The following ELMO1 variants were observed in gnomAD, a reference collection of about 807,000 sequenced individuals.
The protein encoded by ELMO1 is engulfment and cell motility 1.
ELMO1 carries 26 observed loss-of-function variants against 98.9 expected under a neutral mutation model. The observed-to-expected ratio is 0.26, with a 90% CI of 0.19 to 0.36. The LOEUF (loss-of-function observed/expected upper bound fraction) is 0.36, where lower values mean the gene tolerates loss of function less well. Ranked by LOEUF, ELMO1 falls within the 10% of genes least tolerant of loss-of-function variation. The pLI is 1.00. For synonymous variants in ELMO1, 346 were observed against 346.0 expected, an observed-to-expected ratio of 1.00 and a Z score of 0.00; for missense variants, 627 against 935.2, an observed-to-expected ratio of 0.67 and a Z score of 4.30.
intron 13 of ELMO1, among the ~76,000 whole-genome samples, chr7:37,135,851 C>G (rs955133395): frequency 6.6e-6 from 1 of 152,162 alleles, no homozygotes; most frequent in South Asian, 2.1e-4. Flanking sequence ...TACTAGCTAA[C>G]CAGCAATGGA....
intron 4 of ELMO1, among the ~76,000 whole-genome samples, chr7:37,295,859 A>C (rs902106335): frequency 4.6e-5 from 7 of 152,218 alleles, no homozygotes; most frequent in Non-Finnish European, 8.8e-5. Context: ...ATAAAAACTC[A>C]ATCTCTGATA....
At chr7:37,039,368 G>GGGGGCCCTACC (rs1795371499) in intron 15 of ELMO1, among the ~76,000 whole-genome samples, 1 of 152,216 alleles carries the variant, frequency 6.6e-6, no homozygotes. Context: ...GCCATGAGGA[G>GGGGGCCCTACC]GGGGAGATAC....
intron 15 of ELMO1, among the ~76,000 whole-genome samples, chr7:37,026,977 T>C (rs1404890384): frequency 6.6e-6 from 1 of 152,180 alleles, no homozygotes; most frequent in Non-Finnish European, 1.5e-5. Context: ...TTTTCTTCTA[T>C]GTGGCTTTCA....
intron 15 of ELMO1, among the ~76,000 whole-genome samples, chr7:37,039,466 G>A (rs990552958): frequency 1.3e-5 from 2 of 152,212 alleles, no homozygotes; most frequent in Non-Finnish European, 2.9e-5. Flanking sequence ...CAAAACTGGA[G>A]AACAGATCTA....
At chr7:37,182,724 T>G (rs1256238514) in intron 13 of ELMO1, among the ~76,000 whole-genome samples, 4 of 152,122 alleles carry the variant, frequency 2.6e-5, no homozygotes, top group Non-Finnish European at 5.9e-5. Flanking sequence ...AATGATACAA[T>G]TATCACTGAA....
At chr7:37,434,807 A>G (rs1805079449) in intron 1 of ELMO1, among the ~76,000 whole-genome samples, 1 of 152,194 alleles carries the variant, frequency 6.6e-6, no homozygotes, top group African/African-American at 2.4e-5. Context: ...GTCTGTACCC[A>G]GTAAAATTCT....
chr7:37,192,980 T>TATATATATATATATATATATAGGAG (rs1791719750), intron 13 of ELMO1, among the ~76,000 whole-genome samples: 1 of 41,212 alleles, frequency 2.4e-5, no homozygotes, highest in Non-Finnish European at 4.9e-5. Flanking sequence ...GATATATATA[T>TATATATATATATATATATATAGGAG]ATATATATAT....
At chr7:37,194,346 A>C (rs938036630) in intron 13 of ELMO1, among the ~76,000 whole-genome samples, 11 of 152,162 alleles carry the variant, frequency 7.2e-5, no homozygotes, top group Non-Finnish European at 1.6e-4. Flanking sequence ...AGAGCAACCC[A>C]GCTTCCCGGC....
intron 4 of ELMO1, among the ~76,000 whole-genome samples, chr7:37,312,886 G>T (rs1798959298): frequency 6.6e-6 from 1 of 152,186 alleles, no homozygotes; most frequent in Non-Finnish European, 1.5e-5. Flanking sequence ...CAACACAGGA[G>T]ATATACTCTG....
chr7:37,420,394 C>T (rs1475851714), intron 1 of ELMO1, among the ~76,000 whole-genome samples: 1 of 152,326 alleles, frequency 6.6e-6, no homozygotes, highest in African/African-American at 2.4e-5. Context: ...AAGCCCTGCC[C>T]ATTCTCATTC....
intron 13 of ELMO1, among the ~76,000 whole-genome samples, chr7:37,174,791 C>T (rs758162824): frequency 3.3e-5 from 5 of 152,132 alleles, no homozygotes; most frequent in South Asian, 2.1e-4. Context: ...ACCCAGCTGT[C>T]CCACAATATA....
chr7:37,068,985 C>A (rs1164380598), intron 15 of ELMO1, among the ~76,000 whole-genome samples: 2 of 152,182 alleles, frequency 1.3e-5, no homozygotes, highest in African/African-American at 4.8e-5. Context: ...TTAATGACCT[C>A]ATTTTGAAAT....
At chr7:37,115,556 A>G (rs1371747042) in intron 14 of ELMO1, among the ~76,000 whole-genome samples, 1 of 150,886 alleles carries the variant, frequency 6.6e-6, no homozygotes, top group Non-Finnish European at 1.5e-5. Context: ...CTCATTCATG[A>G]TAAAAAAAAA....
chr7:37,202,118 A>G (rs1394035761), intron 13 of ELMO1, among the ~76,000 whole-genome samples: 1 of 152,244 alleles, frequency 6.6e-6, no homozygotes, highest in East Asian at 1.9e-4. Flanking sequence ...CTATAACTGT[A>G]TAAGATTTCA....
intron 13 of ELMO1, among the ~76,000 whole-genome samples, chr7:37,199,065 T>C (rs1792134257): frequency 6.6e-6 from 1 of 152,146 alleles, no homozygotes. Flanking sequence ...AGAGAACAGA[T>C]TCAACCCTAA....
In ELMO1 at chr7:36,933,890, T is replaced by A. The variant is rs1030482613; in HGVS notation, c.1438-38873A>T. ...AAGGGGCAGGACTTCAAGTTGCCCGTCCCATCTGAATGACAACAGCTCTGC... is the reference window on the plus strand; with the variant it reads ...AAGGGGCAGGACTTCAAGTTGCCCGACCCATCTGAATGACAACAGCTCTGC... On this transcript the variant is annotated intron_variant, in intron 16 of 21. Transcript: ENST00000310758. 2.6e-5 allele frequency among the ~76,000 whole-genome samples: 4 copies of A among 152,176 alleles called. 1 individual carries two copies. Among genetic ancestry groups the A allele is most frequent in the African/African-American group, 9.7e-5 (4 of 41,438 alleles).
At chr7:37,363,325 C>T (rs1337356179) in intron 1 of ELMO1, among the ~76,000 whole-genome samples, 1 of 152,170 alleles carries the variant, frequency 6.6e-6, no homozygotes, top group African/African-American at 2.4e-5. Flanking sequence ...TCTACATAGC[C>T]ACCAAAGTCG....
chr7:37,147,975 A>G (rs143316548), intron 13 of ELMO1, among the ~76,000 whole-genome samples: 1 of 152,314 alleles, frequency 6.6e-6, no homozygotes, highest in African/African-American at 2.4e-5. Flanking sequence ...AAGGGTATTG[A>G]CAGTATTCTG....
chr7:36,881,951 T>C (rs1584299839), intron 18 of ELMO1, among the ~76,000 whole-genome samples: 1 of 152,222 alleles, frequency 6.6e-6, no homozygotes, highest in Non-Finnish European at 1.5e-5. Context: ...ACCGTCTGTC[T>C]TCAATCATCC....
Sources: gnomAD v4.1 joint callset for allele counts (sites outside exome capture counted in the v4.1 genomes callset) on GRCh38, gnomAD v4.1.1 for gene constraint, MANE v1.5 for transcripts, NCBI Gene and HGNC (gene_info 2026-07-23, HGNC 2026-07-21) for gene names.